The following DNAJB1 variants were observed in gnomAD, a reference collection of about 807,000 sequenced individuals.
DNAJB1 encodes DnaJ heat shock protein family (Hsp40) member B1, also known as dnaJ homolog subfamily B member 1.
DNAJB1 carries 14 observed loss-of-function variants against 24.0 expected under a neutral mutation model. The observed-to-expected ratio is 0.58, with a 90% CI of 0.39 to 0.91. The LOEUF (loss-of-function observed/expected upper bound fraction) is 0.91. Among genes scored for constraint, DNAJB1 ranks in the 40% least tolerant of loss-of-function variants. The pLI is 0.00. For synonymous variants in DNAJB1, 262 were observed against 174.4 expected (o/e 1.50, Z -3.96); for missense variants, 517 against 458.1 (o/e 1.13, Z -1.17).
In DNAJB1 at chr19:14,515,966, C is replaced by T. The variant is rs756381480; in HGVS notation, c.997G>A (p.Val333Ile). 3 of 1,609,714 alleles carry T rather than the reference C, an allele frequency of 1.9e-6. No homozygotes were observed. Among genetic ancestry groups the T allele is most frequent in the Non-Finnish European group, 2.5e-6 (3 of 1,178,938 alleles). The change falls in exon 3 of 3, where the codon GTA becomes ATA. Residue 333 changes from valine (V) to isoleucine (I), a missense_variant. Physicochemically the swap from Val to Ile is conservative, Grantham distance 29. Transcript: ENST00000254322. ...PERIPQTSRT[V>I]LEQVLPI is the part of the protein sequence containing the mutation. The stretch of plus-strand genomic sequence containing the variant: ...TATATTGGAAGAACCTGCTCAAGTA[C>T]GGTTCTTGATGTCTGGGGAATCCTT...
At chr19:14,526,173 T>C (rs2072421972) in intron 2 of DNAJB1, among the ~76,000 whole-genome samples, 2 of 152,212 alleles carry the variant, frequency 1.3e-5, no homozygotes, top group African/African-American at 4.8e-5. Context: ...TTAGGCCGTC[T>C]CTTGCAGTTT....
rs552134908 is a variant in DNAJB1, at chr19:14,560,231, T to TA, written c.-2367dup. Among the ~76,000 whole-genome samples, 19 of 152,200 alleles carry TA rather than the reference T, an allele frequency of 1.2e-4. No individual in the cohort carries two copies. In the South Asian group the frequency reaches 2.3e-3, roughly 18 times the overall value. On this transcript the variant is annotated 5_prime_UTR_variant, in exon 1 of 6. Coordinates refer to the DNAJB1 transcript ENST00000679223. ...GGTGCCCAGGTTGGGGGGAGCAGGG[T>TA]ACGATTTCACCCCTCCCACTAGCAG...
upstream of DNAJB1, chr19:14,529,859 G>A: frequency 5.4e-6 from 6 of 1,109,622 alleles, no homozygotes; most frequent in East Asian, 2.5e-5. Flanking sequence ...TGCGCCCCGG[G>A]CCACTCGTAA....
chr19:14,555,843 C>T (rs2073702806), intron 1 of DNAJB1, among the ~76,000 whole-genome samples: 1 of 152,196 alleles, frequency 6.6e-6, no homozygotes, highest in Non-Finnish European at 1.5e-5. Flanking sequence ...GTCTCAGCCT[C>T]CTAAAGTGCT....
upstream of DNAJB1, among the ~76,000 whole-genome samples, chr19:14,552,880 T>G (rs1457090072): frequency 6.6e-6 from 1 of 151,996 alleles, no homozygotes; most frequent in Non-Finnish European, 1.5e-5. Flanking sequence ...GGTGGCAGTC[T>G]CAGCATAGTC....
At chr19:14,517,112 A>G in intron 1 of DNAJB1, 66 bp from the exon 2 acceptor site, 2 of 1,504,888 alleles carry the variant, frequency 1.3e-6, no homozygotes, top group South Asian at 1.3e-5. Flanking sequence ...CTTCCCTTAC[A>G]GGGGGAAACA....
In DNAJB1 at chr19:14,516,454, C is replaced by T; in HGVS notation, c.792+12G>A. The T allele has an allele frequency of 6.2e-7, 1 of 1,608,568 alleles. No homozygotes were observed. The highest frequency in any genetic ancestry group is 1.3e-5 in the African/African-American group (1 of 74,796). The stretch of plus-strand genomic sequence containing the variant: ...TCGCCCTCTACAGACACCGCCCCAC[C>T]TGGCACCTTACCTCCCGGAGGCTGA... On this transcript the variant is annotated intron_variant, in intron 2 of 2. Transcript: ENST00000254322.
At chr19:14,529,800 C>T (rs2072548590), upstream of DNAJB1, 3 of 1,587,422 alleles carry the variant, frequency 1.9e-6, no homozygotes, top group African/African-American at 1.3e-5. Context: ...CTTTCTGGTC[C>T]TGTGCCCCGA....
intron 1 of DNAJB1, chr19:14,517,920 G>A: frequency 6.8e-6 from 3 of 444,436 alleles, no homozygotes; most frequent in Non-Finnish European, 1.1e-5. Context: ...GGCAGCCCCA[G>A]ACATGCTAGA....
At chr19:14,523,371 G>C (rs1232351421), upstream of DNAJB1, among the ~76,000 whole-genome samples, 1 of 152,030 alleles carries the variant, frequency 6.6e-6, no homozygotes, top group African/African-American at 2.4e-5. Context: ...CTGGAGTGCA[G>C]TGGTGTGATC....
At chr19:14,549,350 C>T (rs767399086) in intron 1 of DNAJB1, among the ~76,000 whole-genome samples, 3 of 151,548 alleles carry the variant, frequency 2.0e-5, no homozygotes, top group Non-Finnish European at 4.4e-5. Context: ...GGAGCTGGGA[C>T]TACAGGCATG....
rs558724185 is a variant in DNAJB1, at chr19:14,528,533, C to T, written c.-175+677G>A. 2.8e-3 allele frequency among the ~76,000 whole-genome samples: 419 copies of T among 152,190 alleles called. 2 individuals carry two copies. Among genetic ancestry groups the T allele is most frequent in the African/African-American group, 8.2e-3 (342 of 41,546 alleles). On this transcript the variant is annotated intron_variant, in intron 1 of 3. Coordinates refer to the DNAJB1 transcript ENST00000396969. ...GATTACAGGTGTGAGCCATCGTTCCCGGCCTGGACCAGCCCCATTTCAAGG... is the reference window on the plus strand; with the variant it reads ...GATTACAGGTGTGAGCCATCGTTCCTGGCCTGGACCAGCCCCATTTCAAGG...
At chr19:14,531,612 G>C (rs1485103429), upstream of DNAJB1, 1 of 152,054 alleles carries the variant, frequency 6.6e-6, no homozygotes, top group Non-Finnish European at 1.5e-5. Flanking sequence ...AGTAGAGACA[G>C]GGTTTCTCCA....
At chr19:14,525,617 T>C (rs1437484414) in intron 2 of DNAJB1, among the ~76,000 whole-genome samples, 1 of 152,040 alleles carries the variant, frequency 6.6e-6, no homozygotes, top group East Asian at 1.9e-4. Flanking sequence ...GGCAAAAGTA[T>C]CAGGACAGAA....
chr19:14,529,995 G>A (rs1015662796), upstream of DNAJB1: 2 of 544,494 alleles, frequency 3.7e-6, no homozygotes, highest in Admixed American at 3.1e-5. Flanking sequence ...CTCCCCCAGC[G>A]GGCTGAGTTG....
In DNAJB1 at chr19:14,515,486, G is replaced by A. The variant is rs559348755; in HGVS notation, c.*454C>T. 2.5e-5 allele frequency: 4 copies of A among 159,400 alleles called. No homozygotes were observed. The highest frequency in any genetic ancestry group is 3.2e-4 in the South Asian group (2 of 6,210). 9.9% of individuals were successfully genotyped at this position (159,400 alleles called of 1,614,324 possible). A position where few individuals can be genotyped will look rare whatever the true frequency, so the allele number is the denominator to read the frequency against. On this transcript the variant is annotated 3_prime_UTR_variant, in exon 3 of 3. Coordinates refer to ENST00000254322, the MANE Select transcript of DNAJB1 (RefSeq NM_006145.3). The stretch of plus-strand genomic sequence containing the variant: ...ATTCTCCAGGAGAAGAGCAAGACAT[G>A]GGAGACAAATACAGAATAAAGCACA...
At chr19:14,541,980 C>T (rs1315627810) in intron 1 of DNAJB1, among the ~76,000 whole-genome samples, 3 of 152,166 alleles carry the variant, frequency 2.0e-5, no homozygotes, top group African/African-American at 7.2e-5. Flanking sequence ...GACCGGGTTT[C>T]ACATGTTGGC....
chr19:14,554,253 C>T (rs565852097), upstream of DNAJB1, among the ~76,000 whole-genome samples: 29 of 152,300 alleles, frequency 1.9e-4, no homozygotes, highest in South Asian at 8.4e-4. Flanking sequence ...GTTCCAGCCC[C>T]GGGCAGGGAA....
intron 1 of DNAJB1, among the ~76,000 whole-genome samples, chr19:14,535,755 T>TGAAAA (rs1185320616): frequency 4.3e-5 from 1 of 23,218 alleles, no homozygotes; most frequent in Non-Finnish European, 9.5e-5. Context: ...AGACTCTGTC[T>TGAAAA]CAAAAAAAAA....
Sources: allele counts gnomAD v4.1 joint callset (sites outside exome capture counted in the v4.1 genomes callset), GRCh38; gene constraint gnomAD v4.1.1; transcripts MANE v1.5; gene names NCBI Gene and HGNC (gene_info 2026-07-23, HGNC 2026-07-21).